The following CSMD1 variants were observed in gnomAD, a reference collection of about 807,000 sequenced individuals.
CSMD1 encodes the protein CUB and Sushi multiple domains 1.
A neutral mutation model predicts 417.5 loss-of-function variants in CSMD1; 213 were observed. The ratio of observed to expected loss-of-function variants is 0.51; its 90% confidence interval spans 0.46 to 0.57. The LOEUF is 0.57. Ranked by LOEUF, CSMD1 falls within the 20% of genes least tolerant of loss-of-function variation. The pLI is 0.00. For synonymous variants in CSMD1, 2,862 were observed against 1,736.8 expected (o/e 1.65, Z -16.11); for missense variants, 6,923 against 4,529.7 (o/e 1.53, Z -15.17).
intron 3 of CSMD1, among the ~76,000 whole-genome samples, chr8:4,272,851 A>T (rs1323994522): frequency 6.6e-6 from 1 of 152,196 alleles, no homozygotes; most frequent in Non-Finnish European, 1.5e-5. Flanking sequence ...ATAAGTCTCG[A>T]CACACAGATA....
chr8:4,388,650 A>G (rs1437506305), intron 3 of CSMD1, among the ~76,000 whole-genome samples: 1 of 152,162 alleles, frequency 6.6e-6, no homozygotes, highest in African/African-American at 2.4e-5. Flanking sequence ...TCACCATTAA[A>G]AAACTTACCT....
intron 10 of CSMD1, among the ~76,000 whole-genome samples, 192 bp from the exon 11 acceptor site, chr8:3,493,918 G>A (rs1796249701): frequency 6.6e-6 from 1 of 152,150 alleles, no homozygotes. Context: ...AGAATTTTAT[G>A]AAATTCAGAA....
rs1554451315 is a variant in CSMD1, at chr8:3,175,475, C to CCCTTT, written c.5725+5634_5725+5635insAAAGG. Among the ~76,000 whole-genome samples, 629 of 132,516 alleles carry CCCTTT rather than the reference C, an allele frequency of 4.7e-3. 9 individuals carry two copies. Among genetic ancestry groups the CCCTTT allele is most frequent in the African/African-American group, 0.017 (588 of 34,506 alleles). The allele number at this position is 132,516 out of a possible 152,430, so 86.9% of individuals were successfully genotyped here. A position where few individuals can be genotyped will look rare whatever the true frequency, so the allele number is the denominator to read the frequency against. The stretch of plus-strand genomic sequence containing the variant: ...CCTTCCTTCTTTCCTTCCTTCTTTT[C>CCCTTT]CCTTCCTTCCTGCCTGCCTGCCTGC... On this transcript the variant is annotated intron_variant, in intron 37 of 69. Transcript: ENST00000635120.
intron 7 of CSMD1, among the ~76,000 whole-genome samples, chr8:3,663,091 G>C (rs1467687870): frequency 6.6e-6 from 1 of 152,144 alleles, no homozygotes; most frequent in Non-Finnish European, 1.5e-5. Context: ...GAGCCCCACA[G>C]AACTGCCCGC....
intron 1 of CSMD1, among the ~76,000 whole-genome samples, chr8:4,708,685 T>A (rs1808099616): frequency 6.6e-6 from 1 of 152,020 alleles, no homozygotes; most frequent in Admixed American, 6.6e-5. Flanking sequence ...TTTTTTTTTT[T>A]AAGAGAAAGA....
At chr8:4,540,707 C>T (rs1053194225) in intron 2 of CSMD1, among the ~76,000 whole-genome samples, 20 of 152,282 alleles carry the variant, frequency 1.3e-4, no homozygotes, top group Middle Eastern at 6.8e-3. Flanking sequence ...ACTGTAACTG[C>T]GGATGCTTAC....
chr8:4,360,099 C>T (rs1294841736), intron 3 of CSMD1, among the ~76,000 whole-genome samples: 1 of 152,154 alleles, frequency 6.6e-6, no homozygotes, highest in Non-Finnish European at 1.5e-5. Context: ...CTTAACATAT[C>T]TGTATGTCTG....
intron 3 of CSMD1, among the ~76,000 whole-genome samples, chr8:4,072,024 C>G (rs558810586): frequency 6.6e-6 from 1 of 152,094 alleles, no homozygotes; most frequent in Non-Finnish European, 1.5e-5. Context: ...TTTGCTGGTT[C>G]AGAAAGAAAG....
At chr8:4,562,784 A>C (rs1798406038) in intron 2 of CSMD1, among the ~76,000 whole-genome samples, 1 of 152,168 alleles carries the variant, frequency 6.6e-6, no homozygotes, top group African/African-American at 2.4e-5. Context: ...ATATCCTAAA[A>C]GGTATATCAT....
At chr8:3,756,314 C>T (rs1470856333) in intron 5 of CSMD1, among the ~76,000 whole-genome samples, 1 of 150,324 alleles carries the variant, frequency 6.7e-6, no homozygotes, top group African/African-American at 2.5e-5. Context: ...GATCGCGCCA[C>T]TGCACTCCAC....
intron 2 of CSMD1, among the ~76,000 whole-genome samples, chr8:4,433,531 C>T (rs766606084): frequency 6.6e-6 from 1 of 152,060 alleles, no homozygotes; most frequent in African/African-American, 2.4e-5. Flanking sequence ...ATCCCCCTGC[C>T]GGCAAGAAAA....
In CSMD1 at chr8:4,441,808, TTCAA is replaced by T. The variant is rs369176182; in HGVS notation, c.303-21747_303-21744del. On this transcript the variant is annotated intron_variant, in intron 2 of 69. Coordinates refer to ENST00000635120, the MANE Select transcript of CSMD1 (RefSeq NM_033225.6). ...GTATCACAAGATAAATCAAATAAGG[TTCAA>T]TCAAACACTGAAGTTTGAGTAATAA... Among the ~76,000 whole-genome samples the T allele has an allele frequency of 5.1e-3, 774 of 152,214 alleles. 4 individuals carry two copies. Among genetic ancestry groups the T allele is most frequent in the African/African-American group, 0.018 (753 of 41,536 alleles).
intron 2 of CSMD1, among the ~76,000 whole-genome samples, chr8:4,542,848 GT>G (rs1219634032): frequency 5.3e-5 from 8 of 151,886 alleles, no homozygotes; most frequent in African/African-American, 9.7e-5. Flanking sequence ...AAAGAAAAAA[GT>G]TTTTTTCACA....
chr8:3,809,544 C>G (rs1388856692), intron 5 of CSMD1, among the ~76,000 whole-genome samples: 1 of 152,138 alleles, frequency 6.6e-6, no homozygotes, highest in East Asian at 1.9e-4. Context: ...TCAAACATTG[C>G]CATGCATCGG....
chr8:3,029,499 TG>T lies in CSMD1; in HGVS notation c.7674del (p.Ser2559AlafsTer19). ...TGTTCTGAGAGCTGAGCTTCAATGC[TG>T]GGGCAAGCGACCGCTGGAAGGGAAA... Reference protein sequence around the residue: ...KPPTCKPVACPSIEAQLSEHV... With the variant: ...KPPTCKPVACXSIEAQLSEHV... On this transcript the variant is annotated frameshift_variant, in exon 51 of 70. Transcript: ENST00000635120. LOFTEE classifies it high-confidence loss of function. The T allele has an allele frequency of 6.3e-7, 1 of 1,598,366 alleles. No individual in the cohort carries two copies. The highest frequency in any genetic ancestry group is 1.7e-5 in the Admixed American group (1 of 57,416).
chr8:4,313,305 G>C (rs930511603), intron 3 of CSMD1, among the ~76,000 whole-genome samples: 5 of 152,068 alleles, frequency 3.3e-5, no homozygotes, highest in African/African-American at 1.2e-4. Flanking sequence ...CTGGTTAATA[G>C]CTAGCTGAGT....
At chr8:3,534,171 C>G (rs1477205572) in intron 10 of CSMD1, among the ~76,000 whole-genome samples, 2 of 152,170 alleles carry the variant, frequency 1.3e-5, no homozygotes, top group East Asian at 3.9e-4. Context: ...GTAATTCCAT[C>G]TCTTGGTGTT....
At chr8:3,279,973 G>C (rs1034339016) in intron 26 of CSMD1, among the ~76,000 whole-genome samples, 15 of 152,188 alleles carry the variant, frequency 9.9e-5, no homozygotes, top group African/African-American at 3.6e-4. Context: ...ACCGTATCAG[G>C]AAGGTTACTT....
chr8:4,400,716 A>C (rs1433892188), intron 3 of CSMD1, among the ~76,000 whole-genome samples: 1 of 148,424 alleles, frequency 6.7e-6, no homozygotes, highest in Non-Finnish European at 1.5e-5. Context: ...TTTAATGGAC[A>C]CTTTGTTTCT....
Sources: allele counts gnomAD v4.1 joint callset (sites outside exome capture counted in the v4.1 genomes callset), GRCh38; gene constraint gnomAD v4.1.1; transcripts MANE v1.5; gene names NCBI Gene and HGNC (gene_info 2026-07-23, HGNC 2026-07-21).